The following SGCD variants were observed in gnomAD, a reference collection of about 807,000 sequenced individuals.
SGCD encodes delta-sarcoglycan.
In SGCD, 18 loss-of-function variants were observed where a neutral mutation model predicts 36.6. The observed-to-expected ratio is 0.49, with a 90% CI of 0.34 to 0.73. SGCD has a LOEUF of 0.73. Among genes scored for constraint, SGCD ranks in the 30% least tolerant of loss-of-function variants. SGCD has a pLI of 0.01. For synonymous variants in SGCD, 133 were observed against 130.6 expected, an observed-to-expected ratio of 1.02 and a Z score of -0.12; for missense variants, 387 against 346.7, an observed-to-expected ratio of 1.12 and a Z score of -0.92.
chr5:156,604,980 G>A (rs1047734055), intron 6 of SGCD, among the ~76,000 whole-genome samples: 7 of 151,560 alleles, frequency 4.6e-5, no homozygotes, highest in Non-Finnish European at 7.4e-5. Context: ...GATTTACATA[G>A]TACCATTGTA....
intron 6 of SGCD, among the ~76,000 whole-genome samples, chr5:156,603,772 T>C (rs1007176237): frequency 6.6e-6 from 1 of 152,098 alleles, no homozygotes; most frequent in Non-Finnish European, 1.5e-5. Context: ...ATGCTTGATA[T>C]AATCTTTATC....
At chr5:156,129,663 C>T (rs989390559) in intron 3 of SGCD, among the ~76,000 whole-genome samples, 2 of 152,162 alleles carry the variant, frequency 1.3e-5, no homozygotes, top group Non-Finnish European at 2.9e-5. Context: ...CAAGTACACA[C>T]CAGTGTCTGT....
chr5:156,264,850 G>A (rs1169298123), intron 3 of SGCD, among the ~76,000 whole-genome samples: 1 of 152,094 alleles, frequency 6.6e-6, no homozygotes, highest in East Asian at 1.9e-4. Flanking sequence ...CAGTGCCTGG[G>A]AATTCAGTAG....
intron 1 of SGCD, among the ~76,000 whole-genome samples, chr5:155,927,063 G>A (rs1423609956): frequency 6.6e-6 from 1 of 152,160 alleles, no homozygotes; most frequent in Non-Finnish European, 1.5e-5. Flanking sequence ...AGTCCACAAT[G>A]AAAATATTGC....
intron 3 of SGCD, among the ~76,000 whole-genome samples, chr5:156,249,950 T>C (rs1389018749): frequency 6.6e-6 from 1 of 152,230 alleles, no homozygotes; most frequent in Non-Finnish European, 1.5e-5. Context: ...GTAAGAAACA[T>C]TCCTGGGCCA....
the SGCD span, among the ~76,000 whole-genome samples, chr5:155,730,251 A>C: frequency 6.6e-6 from 1 of 152,086 alleles, no homozygotes; most frequent in Non-Finnish European, 1.5e-5. Flanking sequence ...AAAATATTCT[A>C]ATCCCTTAAA....
chr5:156,006,832 G>C (rs1353091568), intron 1 of SGCD, among the ~76,000 whole-genome samples: 1 of 152,144 alleles, frequency 6.6e-6, no homozygotes, highest in Non-Finnish European at 1.5e-5. Context: ...AAATACATGT[G>C]TTGAGGGGAG....
chr5:156,765,063 G>A lies in SGCD; in HGVS notation c.*5673G>A. On this transcript the variant is annotated 3_prime_UTR_variant, in exon 9 of 9. Transcript: ENST00000337851. The stretch of plus-strand genomic sequence containing the variant: ...GCTTCATCACTGAACATTAGCTAAG[G>A]TCAGCTTAATAACACAAATATGAGG... 6.6e-6 allele frequency: 1 copy of A among 152,176 alleles called. No homozygotes were observed. Among genetic ancestry groups the A allele is most frequent in the Non-Finnish European group, 1.5e-5 (1 of 68,030 alleles). The allele number at this position is 152,176 out of a possible 1,614,324, so 9.4% of individuals were successfully genotyped here. A position where few individuals can be genotyped will look rare whatever the true frequency, so the allele number is the denominator to read the frequency against.
At chr5:156,217,792 T>C (rs2127644053) in intron 3 of SGCD, among the ~76,000 whole-genome samples, 1 of 152,116 alleles carries the variant, frequency 6.6e-6, no homozygotes, top group Middle Eastern at 3.4e-3. Flanking sequence ...GATACACAAA[T>C]AAGTGAATGT....
chr5:155,731,648 T>C, the SGCD span, among the ~76,000 whole-genome samples: 22 of 152,352 alleles, frequency 1.4e-4, no homozygotes, highest in Middle Eastern at 3.4e-3. Flanking sequence ...GTTTGTAGTT[T>C]TCTGGGTAAA....
intron 7 of SGCD, among the ~76,000 whole-genome samples, chr5:156,708,346 G>A (rs1025768945): frequency 5.3e-5 from 8 of 151,702 alleles, no homozygotes; most frequent in Non-Finnish European, 1.0e-4. Context: ...TGATACTGCT[G>A]GAGAGGTGAT....
intron 3 of SGCD, among the ~76,000 whole-genome samples, chr5:156,372,592 T>C (rs751801871): frequency 7.9e-5 from 12 of 152,168 alleles, no homozygotes; most frequent in Non-Finnish European, 1.6e-4. Context: ...TTTGTATATA[T>C]ATATATATCT....
intron 4 of SGCD, among the ~76,000 whole-genome samples, chr5:156,522,041 C>T (rs527773305): frequency 7.2e-5 from 11 of 152,142 alleles, no homozygotes; most frequent in Middle Eastern, 3.4e-3. Context: ...TCATGTCCTT[C>T]GAAGGGACAT....
At chr5:156,067,903 C>T (rs1202248713) in intron 1 of SGCD, among the ~76,000 whole-genome samples, 3 of 128,940 alleles carry the variant, frequency 2.3e-5, no homozygotes, top group South Asian at 2.1e-4. Context: ...CCGTCTTCTG[C>T]GTCGCTCACG....
intron 1 of SGCD, among the ~76,000 whole-genome samples, chr5:155,900,095 A>AT (rs1168845021): frequency 2.0e-5 from 3 of 152,058 alleles, no homozygotes; most frequent in East Asian, 1.9e-4. Flanking sequence ...AATTTGTGTG[A>AT]TTTTTTTGGA....
chr5:156,748,053 C>G (rs1757011032), intron 7 of SGCD, among the ~76,000 whole-genome samples: 2 of 152,038 alleles, frequency 1.3e-5, no homozygotes, highest in African/African-American at 4.8e-5. Context: ...CACTACTAAG[C>G]AATAAAAAGA....
chr5:156,014,069 A>G (rs1429476368), intron 1 of SGCD, among the ~76,000 whole-genome samples: 1 of 152,094 alleles, frequency 6.6e-6, no homozygotes, highest in Non-Finnish European at 1.5e-5. Context: ...TAAGGGATGA[A>G]AATTCTAGCT....
chr5:156,475,168 T>C (rs770883298), intron 3 of SGCD, among the ~76,000 whole-genome samples: 1 of 152,218 alleles, frequency 6.6e-6, no homozygotes, highest in African/African-American at 2.4e-5. Flanking sequence ...CTATCCCTGC[T>C]TTAATAACTG....
intron 3 of SGCD, among the ~76,000 whole-genome samples, chr5:156,399,798 A>G (rs1772047391): frequency 1.3e-5 from 2 of 152,156 alleles, no homozygotes; most frequent in South Asian, 2.1e-4. Flanking sequence ...TGGACTGTAC[A>G]TCCTAGAGAA....
Sources: allele counts gnomAD v4.1 joint callset (sites outside exome capture counted in the v4.1 genomes callset), GRCh38; gene constraint gnomAD v4.1.1; transcripts MANE v1.5; gene names NCBI Gene and HGNC (gene_info 2026-07-23, HGNC 2026-07-21).